The following ROBO2 variants were observed in gnomAD, a reference collection of about 807,000 sequenced individuals.
ROBO2 encodes roundabout guidance receptor 2.
In ROBO2, 53 loss-of-function variants were observed where a neutral mutation model predicts 160.8. The observed-to-expected ratio is 0.33, with a 90% CI of 0.26 to 0.41. The LOEUF (loss-of-function observed/expected upper bound fraction) is 0.41, where lower values mean the gene tolerates loss of function less well. Ranked by LOEUF, ROBO2 falls within the 10% of genes least tolerant of loss-of-function variation. ROBO2 has a pLI of 1.00. For missense variants in ROBO2, 1,577 were observed against 1,722.4 expected (o/e 0.92, Z 1.49); for synonymous variants, 664 against 611.7 (o/e 1.09, Z -1.26).
At chr3:76,171,668 C>T (rs35161231) in intron 2 of ROBO2, among the ~76,000 whole-genome samples, 2 of 151,484 alleles carry the variant, frequency 1.3e-5, no homozygotes, top group African/African-American at 2.4e-5. Context: ...GGTGCACATG[C>T]GTAAGACCCA....
At chr3:75,975,144 A>G in intron 2 of ROBO2, among the ~76,000 whole-genome samples, 1 of 151,544 alleles carries the variant, frequency 6.6e-6, no homozygotes, top group Non-Finnish European at 1.5e-5. Flanking sequence ...GTTGGCAGAT[A>G]TCTAGACAAT....
At chr3:76,259,697 G>C (rs1357325197) in intron 2 of ROBO2, among the ~76,000 whole-genome samples, 8 of 152,140 alleles carry the variant, frequency 5.3e-5, no homozygotes, top group Non-Finnish European at 1.0e-4. Flanking sequence ...CTTATAAGAA[G>C]TGGTGGTTTC....
chr3:76,716,806 G>A (rs59292670), intron 2 of ROBO2, among the ~76,000 whole-genome samples: 2,025 of 152,272 alleles, frequency 0.013, 38 homozygotes, highest in African/African-American at 0.038. Context: ...ATCTTTGAGT[G>A]CTTCATGGGA....
At chr3:76,868,928 T>A (rs1577138600) in intron 2 of ROBO2, among the ~76,000 whole-genome samples, 2 of 152,180 alleles carry the variant, frequency 1.3e-5, no homozygotes, top group Admixed American at 6.5e-5. Flanking sequence ...GCAACCAGAA[T>A]AACTTTTTTC....
At chr3:76,937,933 A>T (rs2077824801) in intron 2 of ROBO2, among the ~76,000 whole-genome samples, 1 of 152,202 alleles carries the variant, frequency 6.6e-6, no homozygotes, top group Non-Finnish European at 1.5e-5. Flanking sequence ...TCTGTTTGGA[A>T]TATTAACAAA....
intron 2 of ROBO2, among the ~76,000 whole-genome samples, chr3:76,373,702 A>G (rs2076211719): frequency 6.6e-6 from 1 of 152,100 alleles, no homozygotes; most frequent in South Asian, 2.1e-4. Context: ...AAAAATGAAG[A>G]TTGCATCAGC....
At chr3:77,329,194 G>C (rs1427335859) in intron 2 of ROBO2, among the ~76,000 whole-genome samples, 4 of 152,162 alleles carry the variant, frequency 2.6e-5, no homozygotes, top group Non-Finnish European at 5.9e-5. Flanking sequence ...AGCTAATTTA[G>C]CATTGGGAAA....
At chr3:76,185,829 A>G (rs1257307135) in intron 2 of ROBO2, among the ~76,000 whole-genome samples, 2 of 152,138 alleles carry the variant, frequency 1.3e-5, no homozygotes, top group Non-Finnish European at 2.9e-5. Context: ...TAAGCAGGCA[A>G]TCTATATTGG....
intron 2 of ROBO2, among the ~76,000 whole-genome samples, chr3:76,642,646 C>T (rs1227861498): frequency 6.6e-6 from 1 of 151,898 alleles, no homozygotes; most frequent in East Asian, 1.9e-4. Context: ...GCCACCGCGC[C>T]CAGCCTACAC....
chr3:76,351,904 A>C (rs2074900099), intron 2 of ROBO2, among the ~76,000 whole-genome samples: 1 of 152,000 alleles, frequency 6.6e-6, no homozygotes, highest in Non-Finnish European at 1.5e-5. Context: ...AAATCAGAAA[A>C]TGTAATCAAA....
At chr3:77,619,760 CAG>C (rs1415308514) in intron 22 of ROBO2, among the ~76,000 whole-genome samples, 2 of 152,140 alleles carry the variant, frequency 1.3e-5, no homozygotes, top group Admixed American at 1.3e-4. Flanking sequence ...TCTAGGTAAG[CAG>C]AGAGACTTTT....
chr3:76,079,236 A>G (rs1443144891), intron 2 of ROBO2, among the ~76,000 whole-genome samples: 2 of 152,200 alleles, frequency 1.3e-5, no homozygotes, highest in Non-Finnish European at 2.9e-5. Flanking sequence ...TCATTATCAC[A>G]ATAAGGTAAC....
At chr3:76,835,794 A>G (rs1264671466) in intron 2 of ROBO2, among the ~76,000 whole-genome samples, 12 of 152,128 alleles carry the variant, frequency 7.9e-5, no homozygotes, top group Admixed American at 6.5e-5. Context: ...CTGAAAATTT[A>G]TGGTTCCTAG....
chr3:76,898,162 T>G (rs1182418959), intron 2 of ROBO2, among the ~76,000 whole-genome samples: 1 of 152,098 alleles, frequency 6.6e-6, no homozygotes, highest in Admixed American at 6.6e-5. Flanking sequence ...TAATTGAAAT[T>G]ATTACATCTC....
At chr3:76,629,350 G>T (rs565217395) in intron 2 of ROBO2, among the ~76,000 whole-genome samples, 1 of 152,266 alleles carries the variant, frequency 6.6e-6, no homozygotes, top group African/African-American at 2.4e-5. Flanking sequence ...TCTACATTAA[G>T]AGGAGTTTAT....
At chr3:76,069,041 G>A (rs1362216761) in intron 2 of ROBO2, among the ~76,000 whole-genome samples, 1 of 134,296 alleles carries the variant, frequency 7.4e-6, no homozygotes, top group East Asian at 2.1e-4. Context: ...CTATTTAAAT[G>A]CATTTTCTTT....
chr3:76,594,553 T>C (rs2086621864), intron 2 of ROBO2, among the ~76,000 whole-genome samples: 1 of 152,052 alleles, frequency 6.6e-6, no homozygotes, highest in Non-Finnish European at 1.5e-5. Flanking sequence ...CTATTATCCA[T>C]CATTCCCCTG....
chr3:76,328,725 TGGC>T (rs2073225341), intron 2 of ROBO2, among the ~76,000 whole-genome samples: 1 of 151,784 alleles, frequency 6.6e-6, no homozygotes, highest in Non-Finnish European at 1.5e-5. Flanking sequence ...CTGGGCGTGG[TGGC>T]GGCGCCTGTA....
intron 2 of ROBO2, among the ~76,000 whole-genome samples, chr3:76,448,022 C>G (rs1052575821): frequency 6.6e-6 from 1 of 150,458 alleles, no homozygotes; most frequent in African/African-American, 2.5e-5. Flanking sequence ...TGTACATGTA[C>G]CCTAGAACTT....
Sources: allele counts gnomAD v4.1 joint callset (sites outside exome capture counted in the v4.1 genomes callset), GRCh38; gene constraint gnomAD v4.1.1; transcripts MANE v1.5; gene names NCBI Gene and HGNC (gene_info 2026-07-23, HGNC 2026-07-21).